The following MAGI2 variants were observed in gnomAD, a reference collection of about 807,000 sequenced individuals.
The protein encoded by MAGI2 is membrane associated guanylate kinase, WW and PDZ domain containing 2.
Under a neutral mutation model 133.3 loss-of-function variants are expected in MAGI2, and 35 were observed. The ratio of observed to expected loss-of-function variants is 0.26; its 90% confidence interval spans 0.20 to 0.35. The LOEUF (loss-of-function observed/expected upper bound fraction) is 0.35, where lower values mean the gene tolerates loss of function less well. MAGI2 is among the 10% of genes least tolerant of loss of function. MAGI2 has a pLI of 1.00. For synonymous variants in MAGI2, 729 were observed against 710.6 expected (o/e 1.03, Z -0.41); for missense variants, 1,636 against 1,863.4 (o/e 0.88, Z 2.25).
At chr7:78,585,106 C>G (rs1197455141) in intron 3 of MAGI2, among the ~76,000 whole-genome samples, 4 of 152,144 alleles carry the variant, frequency 2.6e-5, no homozygotes, top group Non-Finnish European at 5.9e-5. Context: ...GGAAGAATTA[C>G]TTTGAGTTGG....
intron 1 of MAGI2, among the ~76,000 whole-genome samples, chr7:79,108,033 T>C (rs1051734362): frequency 2.6e-4 from 40 of 152,214 alleles, no homozygotes; most frequent in African/African-American, 9.7e-4. Flanking sequence ...GTAAAATACC[T>C]GATATGACTA....
intron 1 of MAGI2, among the ~76,000 whole-genome samples, chr7:79,368,962 T>C (rs1842900800): frequency 1.3e-5 from 2 of 151,844 alleles, no homozygotes; most frequent in Non-Finnish European, 2.9e-5. Context: ...TGTGTGGTGG[T>C]CTACTTCTGA....
chr7:78,924,909 C>A (rs1799573751), intron 2 of MAGI2, among the ~76,000 whole-genome samples: 1 of 150,778 alleles, frequency 6.6e-6, no homozygotes, highest in Admixed American at 6.6e-5. Context: ...ATTTAAAGTC[C>A]CCTACTTTTA....
intron 14 of MAGI2, among the ~76,000 whole-genome samples, chr7:78,169,279 T>C (rs1175551725): frequency 2.6e-5 from 4 of 152,208 alleles, no homozygotes; most frequent in Non-Finnish European, 5.9e-5. Flanking sequence ...AGGTCCCCCT[T>C]TTCTTTTGCC....
intron 2 of MAGI2, among the ~76,000 whole-genome samples, chr7:78,941,370 G>T (rs1331341374): frequency 6.6e-6 from 1 of 152,122 alleles, no homozygotes; most frequent in African/African-American, 2.4e-5. Flanking sequence ...TTATTTTTGA[G>T]ACAGAGTCTC....
At position 79,302,161 on chromosome 7, in the gene MAGI2, C is replaced by G. The variant is rs1837440814; in HGVS notation, c.301+150859G>C. ...AATACAGTCAGTAAAATATAGTAAC[C>G]ATAAGAACCAGCAATAACTGAGATT... On this transcript the variant is annotated intron_variant, in intron 1 of 21. Coordinates refer to ENST00000354212, the MANE Select transcript of MAGI2 (RefSeq NM_012301.4). Among the ~76,000 whole-genome samples, 5 of 152,106 alleles carry G rather than the reference C, an allele frequency of 3.3e-5. No individual in the cohort carries two copies. In the South Asian group the frequency reaches 1.0e-3, roughly 32 times the overall value.
intron 6 of MAGI2, among the ~76,000 whole-genome samples, chr7:78,408,662 A>G (rs1231254569): frequency 1.3e-5 from 2 of 152,090 alleles, no homozygotes; most frequent in African/African-American, 4.8e-5. Flanking sequence ...GGCACTTGAA[A>G]GGTAGCTGGT....
intron 1 of MAGI2, among the ~76,000 whole-genome samples, chr7:79,253,423 A>G (rs528328003): frequency 2.0e-5 from 3 of 152,264 alleles, no homozygotes; most frequent in Admixed American, 2.0e-4. Flanking sequence ...CAGGCAGATC[A>G]CTTGAGCTCA....
intron 6 of MAGI2, among the ~76,000 whole-genome samples, chr7:78,445,355 A>T (rs117898099): frequency 0.013 from 1,918 of 152,158 alleles, 21 homozygotes; most frequent in Middle Eastern, 0.024. Context: ...ATAACTATGG[A>T]TTTTCTATCC....
intron 2 of MAGI2, among the ~76,000 whole-genome samples, chr7:78,899,521 C>T (rs993323943): frequency 6.6e-6 from 1 of 152,158 alleles, no homozygotes; most frequent in Admixed American, 6.5e-5. Flanking sequence ...CCTTCATAAG[C>T]TTTAGTTTCC....
Position 78,568,608 on chromosome 7 carries a change from C to T in MAGI2, c.539-46963G>A, listed in dbSNP as rs1801185719. Among the ~76,000 whole-genome samples, 4 of 152,318 alleles carry T rather than the reference C, an allele frequency of 2.6e-5. No individual in the cohort carries two copies. The South Asian group carries it at 6.2e-4, about 24-fold the overall frequency. On this transcript the variant is annotated intron_variant, in intron 3 of 21. Coordinates refer to ENST00000354212, the MANE Select transcript of MAGI2 (RefSeq NM_012301.4). ...TAAAACATAACCTATGACCACTTCT[C>T]AGTGGTTCCACAACCAGCTTCTGAA...
chr7:78,129,207 C>G (rs925487699), intron 18 of MAGI2, among the ~76,000 whole-genome samples: 28 of 152,202 alleles, frequency 1.8e-4, no homozygotes, highest in Non-Finnish European at 4.0e-4. Context: ...AAAATAGGAG[C>G]AGATGAAACT....
At chr7:79,147,402 A>G (rs1241414708) in intron 1 of MAGI2, among the ~76,000 whole-genome samples, 1 of 152,170 alleles carries the variant, frequency 6.6e-6, no homozygotes, top group Non-Finnish European at 1.5e-5. Context: ...CTTGGGCCGT[A>G]GTGGATCCTC....
chr7:78,051,605 GAC>G (rs1046243917), intron 21 of MAGI2, among the ~76,000 whole-genome samples: 4 of 152,110 alleles, frequency 2.6e-5, no homozygotes, highest in African/African-American at 7.2e-5. Context: ...ACATATTTGA[GAC>G]AGAGTCTGGC....
At chr7:78,236,231 G>A (rs1790526627) in intron 10 of MAGI2, among the ~76,000 whole-genome samples, 1 of 152,106 alleles carries the variant, frequency 6.6e-6, no homozygotes, top group Non-Finnish European at 1.5e-5. Context: ...AATGAACAAA[G>A]AGGAGGAAGA....
intron 1 of MAGI2, among the ~76,000 whole-genome samples, chr7:79,211,471 T>G (rs989735094): frequency 8.6e-5 from 13 of 151,448 alleles, no homozygotes; most frequent in Middle Eastern, 3.2e-3. Context: ...TTTTTGTTTT[T>G]TTTTTTGAGG....
chr7:79,079,508 T>C (rs1013767500), intron 1 of MAGI2, among the ~76,000 whole-genome samples: 14 of 152,308 alleles, frequency 9.2e-5, no homozygotes, highest in South Asian at 6.2e-4. Context: ...TGATTTTGTA[T>C]TTGAAGAGAA....
At chr7:79,109,266 G>A (rs1818709462) in intron 1 of MAGI2, among the ~76,000 whole-genome samples, 1 of 152,190 alleles carries the variant, frequency 6.6e-6, no homozygotes, top group Admixed American at 6.5e-5. Flanking sequence ...ACTTTTTAGA[G>A]ACTAGTTAAA....
At chr7:79,203,184 C>T (rs1455672185) in intron 1 of MAGI2, among the ~76,000 whole-genome samples, 1 of 152,036 alleles carries the variant, frequency 6.6e-6, no homozygotes, top group Non-Finnish European at 1.5e-5. Context: ...GTACACACTA[C>T]CATCATTTCT....
Sources: gnomAD v4.1 joint callset for allele counts (sites outside exome capture counted in the v4.1 genomes callset) on GRCh38, gnomAD v4.1.1 for gene constraint, MANE v1.5 for transcripts, NCBI Gene and HGNC (gene_info 2026-07-23, HGNC 2026-07-21) for gene names.